RAD51B: variants seen among roughly 807,000 people sequenced by gnomAD.
RAD51B encodes RAD51 paralog B.
A neutral mutation model predicts 42.2 loss-of-function variants in RAD51B; 38 were observed. The ratio of observed to expected loss-of-function variants is 0.90; its 90% CI spans 0.70 to 1.18. The LOEUF (loss-of-function observed/expected upper bound fraction) is 1.18. Ranked by LOEUF, RAD51B falls within the 50% of genes most tolerant of loss-of-function variation. RAD51B has a pLI of 0.00. For missense variants in RAD51B, 373 were observed against 400.7 expected, an observed-to-expected ratio of 0.93 and a Z score of 0.59; for synonymous variants, 154 against 145.2, an observed-to-expected ratio of 1.06 and a Z score of -0.43.
intron 7 of RAD51B, among the ~76,000 whole-genome samples, chr14:68,227,355 T>C (rs1447672533): frequency 1.3e-5 from 2 of 152,216 alleles, no homozygotes; most frequent in Admixed American, 6.5e-5. Context: ...AGGCCAGTTA[T>C]TCAGTTTGAA....
chr14:68,117,562 A>G (rs2077571472), intron 7 of RAD51B, among the ~76,000 whole-genome samples: 3 of 152,234 alleles, frequency 2.0e-5, no homozygotes, highest in Non-Finnish European at 2.9e-5. Flanking sequence ...CTAAAAAGTA[A>G]TAAATTTGCT....
chr14:68,658,095 G>A (rs12435831), intron 11 of RAD51B, among the ~76,000 whole-genome samples: 43,009 of 152,210 alleles, frequency 0.28, 7,268 homozygotes, highest in East Asian at 0.81. Context: ...GAAGCGCATC[G>A]CCACTGCACA....
At chr14:67,981,968 G>C (rs965227957) in intron 7 of RAD51B, among the ~76,000 whole-genome samples, 1 of 152,022 alleles carries the variant, frequency 6.6e-6, no homozygotes, top group African/African-American at 2.4e-5. Context: ...ACAGAGTCTC[G>C]CATTGTCACT....
intron 7 of RAD51B, among the ~76,000 whole-genome samples, chr14:67,901,442 G>C (rs75727992): frequency 5.7e-4 from 87 of 152,246 alleles, no homozygotes; most frequent in African/African-American, 2.0e-3. Flanking sequence ...GTGCAGTCCT[G>C]TGGGTATTTT....
downstream of RAD51B, among the ~76,000 whole-genome samples, chr14:68,478,345 T>C (rs537581022): frequency 1.4e-3 from 214 of 152,330 alleles, no homozygotes; most frequent in Non-Finnish European, 2.6e-3. Context: ...GTTTTATTGG[T>C]ATATTGTGTA....
chr14:68,051,740 A>C (rs546507659), intron 7 of RAD51B, among the ~76,000 whole-genome samples: 13 of 152,080 alleles, frequency 8.5e-5, no homozygotes, highest in Non-Finnish European at 1.8e-4. Flanking sequence ...CTAGGACTAC[A>C]GGTGCACATG....
intron 7 of RAD51B, among the ~76,000 whole-genome samples, chr14:68,108,583 T>G (rs1781733563): frequency 6.6e-6 from 1 of 151,776 alleles, no homozygotes; most frequent in African/African-American, 2.4e-5. Context: ...AGAAGAGAGA[T>G]AAGAGATTGC....
At chr14:68,041,906 G>A (rs1351964992) in intron 7 of RAD51B, among the ~76,000 whole-genome samples, 4 of 152,048 alleles carry the variant, frequency 2.6e-5, no homozygotes, top group Admixed American at 2.0e-4. Context: ...GTTGTTGCTC[G>A]TAATTGTAAG....
chr14:68,493,181 C>T (rs995338088), intron 10 of RAD51B, among the ~76,000 whole-genome samples: 4 of 152,292 alleles, frequency 2.6e-5, no homozygotes, highest in Non-Finnish European at 4.4e-5. Context: ...TCCCATCCCC[C>T]CGGCCGAATG....
At chr14:68,218,068 C>T (rs1305166817) in intron 7 of RAD51B, among the ~76,000 whole-genome samples, 1 of 152,148 alleles carries the variant, frequency 6.6e-6, no homozygotes. Flanking sequence ...ATTTACAAGA[C>T]ATGTCATACA....
chr14:68,221,564 AC>A (rs1372050136), intron 7 of RAD51B, among the ~76,000 whole-genome samples: 1 of 152,176 alleles, frequency 6.6e-6, no homozygotes, highest in Non-Finnish European at 1.5e-5. Flanking sequence ...AGACTTAAAG[AC>A]CTGAAACCAT....
rs140324412 is a variant in RAD51B at position 68,046,882 on chromosome 14, A to G, written c.756+159678A>G. 5.3e-5 allele frequency among the ~76,000 whole-genome samples: 8 copies of G among 152,216 alleles called. 1 individual carries two copies. The highest frequency in any genetic ancestry group is 2.6e-4 in the Admixed American group (4 of 15,284). On this transcript the variant is annotated intron_variant, in intron 7 of 10. Coordinates refer to ENST00000471583, the MANE Select transcript of RAD51B (RefSeq NM_133510.4). ...GATATTGCATTTCAGTGTAGTGTTT[A>G]TAAGAAGTCTACTTTAAAAATATAT...
At chr14:68,344,522 C>T (rs10147024) in intron 8 of RAD51B, among the ~76,000 whole-genome samples, 1 of 152,058 alleles carries the variant, frequency 6.6e-6, no homozygotes, top group Non-Finnish European at 1.5e-5. Context: ...TGGTGGGCGC[C>T]TGTAGTCCCA....
At chr14:67,953,744 G>A (rs1361118061) in intron 7 of RAD51B, among the ~76,000 whole-genome samples, 1 of 152,142 alleles carries the variant, frequency 6.6e-6, no homozygotes, top group African/African-American at 2.4e-5. Flanking sequence ...TGAGGGATAA[G>A]AGAATTGGAA....
intron 9 of RAD51B, among the ~76,000 whole-genome samples, chr14:68,461,000 C>T (rs527578119): frequency 1.3e-5 from 2 of 152,048 alleles, no homozygotes; most frequent in African/African-American, 4.8e-5. Flanking sequence ...ACGTATATAG[C>T]ACCACACTAG....
intron 7 of RAD51B, among the ~76,000 whole-genome samples, chr14:68,164,914 C>A (rs778151685): frequency 1.3e-5 from 2 of 152,122 alleles, no homozygotes; most frequent in Non-Finnish European, 2.9e-5. Flanking sequence ...ATAGGATGGG[C>A]CTGTTTGCAC....
chr14:68,575,555 G>T (rs76941402), intron 10 of RAD51B, among the ~76,000 whole-genome samples: 13,804 of 152,198 alleles, frequency 0.091, 837 homozygotes, highest in South Asian at 0.15. Flanking sequence ...CTTGCGGCAT[G>T]GTAGATTGTG....
rs947997109 is a variant in RAD51B at position 68,400,010 on chromosome 14, C to A, written c.854-11414C>A. 2.6e-5 allele frequency among the ~76,000 whole-genome samples: 4 copies of A among 152,248 alleles called. No individual in the cohort carries two copies. The East Asian group carries it at 7.7e-4, about 29-fold the overall frequency. Reference sequence around the variant, plus strand: ...CTAATAAACAAATCATATTTCTTTTCTCTTCTGTTCTTACTGCTTGCAAAG... The same window carrying A: ...CTAATAAACAAATCATATTTCTTTTATCTTCTGTTCTTACTGCTTGCAAAG... On this transcript the variant is annotated intron_variant, in intron 8 of 10. Transcript: ENST00000471583.
intron 7 of RAD51B, among the ~76,000 whole-genome samples, chr14:68,013,668 A>T (rs2075726033): frequency 6.6e-6 from 1 of 152,216 alleles, no homozygotes; most frequent in African/African-American, 2.4e-5. Context: ...TCTGCTCTTG[A>T]TGGACAACAA....
Sources: gnomAD v4.1 joint callset for allele counts (sites outside exome capture counted in the v4.1 genomes callset) on GRCh38, gnomAD v4.1.1 for gene constraint, MANE v1.5 for transcripts, NCBI Gene and HGNC (gene_info 2026-07-23, HGNC 2026-07-21) for gene names.